The following VPS13D variants were observed in gnomAD, a reference collection of about 807,000 sequenced individuals.
The protein encoded by VPS13D is intermembrane lipid transfer protein VPS13D.
A neutral mutation model predicts 461.9 loss-of-function variants in VPS13D; 187 were observed. That is an observed-to-expected ratio of 0.40 (90% CI 0.36 to 0.46). The LOEUF (loss-of-function observed/expected upper bound fraction) is 0.46. VPS13D is among the 20% of genes least tolerant of loss of function. The probability of loss-of-function intolerance (pLI) is 0.60; values close to 1 mark genes in which losing one functional copy is unlikely to be tolerated. For missense variants in VPS13D, 4,711 were observed against 5,364.9 expected (o/e 0.88, Z 3.81); for synonymous variants, 1,951 against 1,986.3 (o/e 0.98, Z 0.47).
chr1:12,373,840 A>G lies in VPS13D; in HGVS notation c.10899A>G (p.Arg3633=), dbSNP rs756090819. Residue 3633 remains arginine (R), a synonymous_variant, in exon 55 of 70, where the codon AGA becomes AGG. Transcript: ENST00000620676. ...TGGATGTCTCACCCAAGACACAAAG[A>G]GTCATTTTAAAAAAGAAGGTAAGAG... ...LVLDVSPKTQ[R]VILKKKEPGK... The G allele has an allele frequency of 4.6e-5, 74 of 1,606,386 alleles. No homozygotes were observed. In the Admixed American group the frequency reaches 1.2e-3, roughly 27 times the overall value.
chr1:12,323,113 A>T (rs1569904047), intron 34 of VPS13D, among the ~76,000 whole-genome samples: 2 of 152,180 alleles, frequency 1.3e-5, no homozygotes, highest in African/African-American at 4.8e-5. Flanking sequence ...TCTGTCACCC[A>T]GGTTGGAGAG....
In VPS13D at chr1:12,502,417, G is replaced by A. The variant is rs1318820788; in HGVS notation, c.12795-4436G>A. Among the ~76,000 whole-genome samples, 1 of 152,088 alleles carries A rather than the reference G, an allele frequency of 6.6e-6. No homozygotes were observed. The highest frequency in any genetic ancestry group is 2.4e-5 in the African/African-American group (1 of 41,418). On this transcript the variant is annotated intron_variant, in intron 68 of 69. Transcript: ENST00000620676. This position sits in a 1 kb window ranked among gnomAD's most constrained non-coding sequence, Gnocchi z 4.3. ...GAGGCTGGGGGTGCTGAAGAGCAAG[G>A]GTTGGAGAAGGAGCATCTCCCCAGT...
intron 67 of VPS13D, among the ~76,000 whole-genome samples, chr1:12,488,875 G>A (rs1030758010): frequency 7.9e-5 from 12 of 152,110 alleles, no homozygotes; most frequent in African/African-American, 2.2e-4. Flanking sequence ...ATTCCAATAA[G>A]CACTACACTC....
At chr1:12,305,968 C>CTATTTT (rs369743535) in intron 26 of VPS13D, among the ~76,000 whole-genome samples, 43 of 151,760 alleles carry the variant, frequency 2.8e-4, no homozygotes, top group African/African-American at 5.6e-4. Flanking sequence ...TTTTATTTTT[C>CTATTTT]TATTTTTATT....
intron 35 of VPS13D, among the ~76,000 whole-genome samples, chr1:12,326,320 G>GTTT (rs1373395284): frequency 6.9e-5 from 8 of 116,736 alleles, no homozygotes; most frequent in Admixed American, 1.8e-4. Context: ...GAACCTTTTG[G>GTTT]ATTTTTTTTT....
chr1:12,333,289 G>A lies in VPS13D; in HGVS notation c.8351G>A (p.Arg2784His), dbSNP rs148319912. 1.1e-4 allele frequency: 171 copies of A among 1,613,960 alleles called. No individual in the cohort carries two copies. Among genetic ancestry groups the A allele is most frequent in the Non-Finnish European group, 1.3e-4 (154 of 1,179,992 alleles). Residue 2784 changes from arginine to histidine, a missense_variant, in exon 38 of 70, where the codon CGT (arginine) becomes CAT (histidine). Physicochemically the swap from Arg to His is conservative, Grantham distance 29. Transcript: ENST00000620676. ...SVSWQQQAAS[R>H]LHPPRLKLEA... ...TCCTGGCAACAGCAGGCAGCTAGTCGTCTCCATCCTCCTCGACTGAAGCTA... is the reference window on the plus strand; with the variant it reads ...TCCTGGCAACAGCAGGCAGCTAGTCATCTCCATCCTCCTCGACTGAAGCTA...
rs1163153836 is a variant in VPS13D at position 12,456,009 on chromosome 1, A to G, written c.12345A>G (p.Thr4115=). ...TTAACTCCTTCTAGTTTGCTGGAACATTATCAGATGGCTTAGGGAAGACGA... is the reference window on the plus strand; with the variant it reads ...TTAACTCCTTCTAGTTTGCTGGAACGTTATCAGATGGCTTAGGGAAGACGA... The part of the protein sequence containing the change: ...VSNSAAKFAG[T]LSDGLGKTMD... The change falls in exon 66 of 70, where the codon ACA becomes ACG. Residue 4115 remains threonine, a synonymous_variant. Transcript: ENST00000620676. The G allele has an allele frequency of 5.0e-6, 8 of 1,609,892 alleles. No homozygotes were observed. The highest frequency in any genetic ancestry group is 3.4e-5 in the Admixed American group (2 of 58,946).
Position 12,342,910 on chromosome 1 carries a change from C to A in VPS13D, c.8744C>A (p.Ser2915Tyr). The part of the protein sequence containing the change: ...LTTTPTRAAL[S>Y]HSGSPGVVPE... ...TGATTTGGTTCCAGAGCTGCACTCT[C>A]TCACAGTGGGAGTCCAGGGGTAGTT... is the stretch of plus-strand genomic sequence containing the variant. Residue 2915 changes from serine to tyrosine, a missense_variant, in exon 42 of 70, where the codon TCT becomes TAT. Ser to Tyr is a moderately radical substitution (Grantham distance 144, BLOSUM62 -2). Transcript: ENST00000620676. 1 of 1,612,002 alleles carries A rather than the reference C, an allele frequency of 6.2e-7. No homozygotes were observed. Among genetic ancestry groups the A allele is most frequent in the South Asian group, 1.1e-5 (1 of 90,864 alleles).
chr1:12,319,504 G>A lies in VPS13D; in HGVS notation c.7422G>A (p.Glu2474=). Residue 2474 remains glutamate (E), a synonymous_variant, in exon 32 of 70, where the codon GAG becomes GAA. Transcript: ENST00000620676. ...LEVKVNVTGT[E]FVVIEDVSCF... ...CGACGTTGTCCTTTCCAGGTACGGA[G>A]TTTGTGGTCATTGAAGATGTGTCCT... is the stretch of plus-strand genomic sequence containing the variant. 6 of 1,614,120 alleles carry A rather than the reference G, an allele frequency of 3.7e-6. No individual in the cohort carries two copies. Among genetic ancestry groups the A allele is most frequent in the Non-Finnish European group, 5.1e-6 (6 of 1,179,974 alleles).
intron 18 of VPS13D, 73 bp downstream of exon 18, chr1:12,273,208 A>C (rs562024510): frequency 3.1e-5 from 47 of 1,502,430 alleles, no homozygotes; most frequent in African/African-American, 9.9e-5. Flanking sequence ...ATCTAAGTAA[A>C]GCTTAATAAA....
chr1:12,322,625 T>A lies in VPS13D; in HGVS notation c.7794T>A (p.Asn2598Lys). The A allele has an allele frequency of 6.2e-7, 1 of 1,614,238 alleles. No individual in the cohort carries two copies. Among genetic ancestry groups the A allele is most frequent in the Non-Finnish European group, 8.5e-7 (1 of 1,180,040 alleles). The change falls in exon 34 of 70, where the codon AAT becomes AAA. Residue 2598 changes from asparagine (N) to lysine (K), a missense_variant. By Grantham distance (94) the Asn-to-Lys change is moderately conservative (BLOSUM62 0). Around this residue, in one of 3 missense-constraint regions of VPS13D, gnomAD observed 4,411 missense variants for 4,937.8 expected, o/e 0.89. Transcript: ENST00000620676. ...CAAAATCCATCCCAGAGCAAGCTAA[T>A]GCTGCAGTGCCAGACTCAGTGGCCC... ...AIAKSIPEQA[N>K]AAVPDSVALE...
chr1:12,360,855 T>C (rs1557732311), intron 50 of VPS13D, among the ~76,000 whole-genome samples: 1 of 152,208 alleles, frequency 6.6e-6, no homozygotes, highest in Non-Finnish European at 1.5e-5. Context: ...TAATTGGGAT[T>C]GTGTTGAGAA....
In VPS13D at chr1:12,308,437, A is replaced by C. The variant is rs777056370; in HGVS notation, c.6446A>C (p.His2149Pro). ...VGQESSSPED[H>P]VCLLDCVVVD... is the part of the protein sequence containing the mutation. ...TTTCCTTGGGTCCTTGTAGAAGACC[A>C]TGTCTGCCTGCTGGATTGCGTTGTC... Residue 2149 changes from histidine to proline, a missense_variant, in exon 27 of 70, where the codon CAT (histidine) becomes CCT (proline). His to Pro is a moderately conservative substitution (Grantham distance 77). Transcript: ENST00000620676. 1.2e-6 allele frequency: 2 copies of C among 1,614,140 alleles called. No homozygotes were observed. Among genetic ancestry groups the C allele is most frequent in the Non-Finnish European group, 8.5e-7 (1 of 1,180,024 alleles).
chr1:12,301,256 C>A (rs1204326829), intron 25 of VPS13D, among the ~76,000 whole-genome samples: 1 of 152,202 alleles, frequency 6.6e-6, no homozygotes, highest in African/African-American at 2.4e-5. Flanking sequence ...ATGACATTAA[C>A]CACTTGGAGT....
chr1:12,448,442 C>T (rs930920929), intron 65 of VPS13D, among the ~76,000 whole-genome samples: 2 of 152,164 alleles, frequency 1.3e-5, no homozygotes, highest in Non-Finnish European at 2.9e-5. Context: ...GGAAACCTGT[C>T]TTCAGGCTTC....
At chr1:12,455,872 T>A in intron 65 of VPS13D, 126 bp from the exon 66 acceptor site, 1 of 1,217,812 alleles carries the variant, frequency 8.2e-7, no homozygotes, top group East Asian at 2.9e-5. Flanking sequence ...TGAGATGAGA[T>A]CACACCACTA....
At chr1:12,316,617 C>G (rs992480423) in intron 30 of VPS13D, among the ~76,000 whole-genome samples, 2 of 152,076 alleles carry the variant, frequency 1.3e-5, no homozygotes, top group African/African-American at 4.8e-5. Flanking sequence ...ATCATGCTGC[C>G]CTTTTACTAG....
chr1:12,396,465 C>G (rs1644500677), intron 60 of VPS13D, among the ~76,000 whole-genome samples: 1 of 152,150 alleles, frequency 6.6e-6, no homozygotes, highest in South Asian at 2.1e-4. Flanking sequence ...CAACTTCTAT[C>G]TGTTTGTAAC....
At chr1:12,363,377 TC>T in intron 52 of VPS13D, 130 bp downstream of exon 52, 1 of 956,382 alleles carries the variant, frequency 1.0e-6, no homozygotes, top group Admixed American at 2.8e-5. Context: ...ACTTGCAAAG[TC>T]CAGGGAAGTG....
Sources: allele counts gnomAD v4.1 joint callset (sites outside exome capture counted in the v4.1 genomes callset), GRCh38; gene constraint gnomAD v4.1.1; regional missense constraint gnomAD v4.1.1; non-coding constraint Gnocchi (gnomAD v3.1); transcripts MANE v1.5; gene names NCBI Gene and HGNC (gene_info 2026-07-23, HGNC 2026-07-21).